The following ZNF100 variants were observed in gnomAD, a reference collection of about 807,000 sequenced individuals.
ZNF100 encodes zinc finger protein 100 (Y1).
Under a neutral mutation model 15.8 loss-of-function variants are expected in ZNF100, and 12 were observed. The ratio of observed to expected loss-of-function variants is 0.76; its 90% CI spans 0.49 to 1.23. The LOEUF is 1.23. Ranked by LOEUF, ZNF100 falls within the 50% of genes most tolerant of loss-of-function variation. The probability of loss-of-function intolerance (pLI) is 0.00; values close to 1 mark genes in which losing one functional copy is unlikely to be tolerated. For synonymous variants in ZNF100, 226 were observed against 214.8 expected (o/e 1.05, Z -0.45); for missense variants, 670 against 635.6 (o/e 1.05, Z -0.58).
chr19:21,727,577 G>GA lies in ZNF100; in HGVS notation c.734dup (p.Ser246LeufsTer19). ...TTCTCCTGTGTGTAGTAAGGGTTGA[G>GA]AACCAGTTGAAGGCTTTGCCACAAT... On this transcript the variant is annotated frameshift_variant, in exon 5 of 5. Coordinates refer to ENST00000358296, the MANE Select transcript of ZNF100 (RefSeq NM_173531.4). LOFTEE classifies it low-confidence loss of function (END_TRUNC). 1 of 1,613,710 alleles carries GA rather than the reference G, an allele frequency of 6.2e-7. No individual in the cohort carries two copies. The highest frequency in any genetic ancestry group is 2.2e-5 in the East Asian group (1 of 44,866).
rs557777525 is a variant in ZNF100 at position 21,726,164 on chromosome 19, A to T, written c.*519T>A. The T allele has an allele frequency of 6.5e-6, 1 of 152,760 alleles. No individual in the cohort carries two copies. The highest frequency in any genetic ancestry group is 2.4e-5 in the African/African-American group (1 of 41,234). 9.5% of individuals were successfully genotyped at this position (152,760 alleles called of 1,614,324 possible). A position where few individuals can be genotyped will look rare whatever the true frequency, so the allele number is the denominator to read the frequency against. ...AAAATACTCTTCACTTTAAAAGCTT[A>T]TATTTTCTTAAAGATATTTTGACAG... On this transcript the variant is annotated 3_prime_UTR_variant, in exon 5 of 5. Coordinates refer to ENST00000358296, the MANE Select transcript of ZNF100 (RefSeq NM_173531.4).
At chr19:21,758,720 G>A (rs1324183213) in intron 2 of ZNF100, among the ~76,000 whole-genome samples, 1 of 152,152 alleles carries the variant, frequency 6.6e-6, no homozygotes, top group Non-Finnish European at 1.5e-5. Flanking sequence ...TCCTGGGAGG[G>A]GTGTGGACAC....
At position 21,765,726 on chromosome 19, in the gene ZNF100, T is replaced by C; in HGVS notation, c.64A>G (p.Arg22Gly). ...AAATAAGACTGCACCAGAAGACTCC[T>C]CTCAGCCCCAGGGCATCCACTTGCT... is the stretch of plus-strand genomic sequence containing the variant. The part of the protein sequence containing the change: ...KGASGCPGAE[R>G]SLLVQSYFEK... Residue 22 changes from arginine to glycine, a missense_variant, in exon 2 of 5, where the codon AGG becomes GGG. Physicochemically the swap from Arg to Gly is moderately radical, Grantham distance 125 (BLOSUM62 -2). Coordinates refer to ENST00000358296, the MANE Select transcript of ZNF100 (RefSeq NM_173531.4). The C allele has an allele frequency of 6.2e-7, 1 of 1,614,158 alleles. No homozygotes were observed. The highest frequency in any genetic ancestry group is 8.5e-7 in the Non-Finnish European group (1 of 1,180,032).
In ZNF100 at chr19:21,726,101, A is replaced by C. The variant is rs1294838814; in HGVS notation, c.*582T>G. The C allele has an allele frequency of 6.6e-6, 1 of 152,394 alleles. No homozygotes were observed. Among genetic ancestry groups the C allele is most frequent in the Non-Finnish European group, 1.5e-5 (1 of 68,190 alleles). The allele number at this position is 152,394 out of a possible 1,614,324, so 9.4% of individuals were successfully genotyped here. On this transcript the variant is annotated 3_prime_UTR_variant, in exon 5 of 5. Coordinates refer to ENST00000358296, the MANE Select transcript of ZNF100 (RefSeq NM_173531.4). ...CGTGTACAGTAAGATCTGTGATACA[A>C]GTAAACATATTACAATTCTACTACA...
intron 1 of ZNF100, among the ~76,000 whole-genome samples, chr19:21,767,041 T>G (rs2036575197): frequency 6.6e-6 from 1 of 152,060 alleles, no homozygotes; most frequent in Non-Finnish European, 1.5e-5. Flanking sequence ...CCATACATTT[T>G]TAATAGGAGA....
intron 2 of ZNF100, among the ~76,000 whole-genome samples, chr19:21,757,967 G>C (rs1353491608): frequency 6.6e-6 from 1 of 152,086 alleles, no homozygotes; most frequent in Non-Finnish European, 1.5e-5. Flanking sequence ...AGCCTTGGAG[G>C]TTGAGGCTGA....
In ZNF100 at chr19:21,727,164, T is replaced by C. The variant is rs2035812736; in HGVS notation, c.1148A>G (p.Tyr383Cys). ...YKCEECGKAF[Y>C]RFSYLTKHKT... ...ATGTTTAGTAAGGTATGAGAATCGG[T>C]AAAAAGCTTTGCCACATTCTTCACA... Residue 383 changes from tyrosine (Y) to cysteine (C), a missense_variant, in exon 5 of 5, where the codon TAC becomes TGC. Transcript: ENST00000358296. 10 of 1,612,026 alleles carry C rather than the reference T, an allele frequency of 6.2e-6. No homozygotes were observed. In the East Asian group the frequency reaches 2.2e-4, roughly 36 times the overall value.
intron 2 of ZNF100, chr19:21,750,820 C>T (rs2036293168): frequency 4.6e-6 from 2 of 434,280 alleles, no homozygotes; most frequent in South Asian, 6.1e-5. Flanking sequence ...AGGCGCCAGC[C>T]CCGGCCCAGA....
rs2035838409 is a variant in ZNF100 at position 21,727,805 on chromosome 19, C to G, written c.507G>C (p.Leu169Phe). 1 of 1,613,338 alleles carries G rather than the reference C, an allele frequency of 6.2e-7. No homozygotes were observed. The highest frequency in any genetic ancestry group is 1.7e-5 in the Admixed American group (1 of 59,938). ...GAAATATGTTGCTCTGGGTAGTTAT[C>G]AAACACTGGTTTAATTTGTTATCAT... Reference protein sequence around the residue: ...KEHDNKLNQCLITTQSNIFQC... With the variant: ...KEHDNKLNQCFITTQSNIFQC... Residue 169 changes from leucine to phenylalanine, a missense_variant, in exon 5 of 5, where the codon TTG (leucine) becomes TTC (phenylalanine). Coordinates refer to ENST00000358296, the MANE Select transcript of ZNF100 (RefSeq NM_173531.4).
intron 2 of ZNF100, chr19:21,751,032 G>A (rs2036299013): frequency 1.5e-6 from 2 of 1,319,460 alleles, no homozygotes; most frequent in East Asian, 2.3e-5. Context: ...GCCACCACCT[G>A]CAGCACATCA....
chr19:21,759,474 A>G (rs2036445489), intron 2 of ZNF100, among the ~76,000 whole-genome samples: 1 of 152,182 alleles, frequency 6.6e-6, no homozygotes, highest in Admixed American at 6.5e-5. Flanking sequence ...GCCACAGACT[A>G]TTGAACTAGA....
At chr19:21,729,710 T>C (rs2035879163) in intron 4 of ZNF100, among the ~76,000 whole-genome samples, 1 of 152,108 alleles carries the variant, frequency 6.6e-6, no homozygotes, top group Non-Finnish European at 1.5e-5. Context: ...TTCCTTAGCA[T>C]TATCATAATG....
chr19:21,729,605 CAAAA>C (rs1568290197), intron 4 of ZNF100, among the ~76,000 whole-genome samples: 1 of 151,586 alleles, frequency 6.6e-6, no homozygotes, highest in Non-Finnish European at 1.5e-5. Context: ...AAAACAAAAA[CAAAA>C]AACAACAAAA....
chr19:21,756,034 G>GT (rs1188453906), intron 2 of ZNF100, among the ~76,000 whole-genome samples: 2 of 152,036 alleles, frequency 1.3e-5, no homozygotes, highest in African/African-American at 4.8e-5. Flanking sequence ...TTCTGCAAGT[G>GT]TATCTCCCTG....
intron 2 of ZNF100, among the ~76,000 whole-genome samples, chr19:21,755,261 C>T (rs1276577461): frequency 6.6e-6 from 1 of 151,286 alleles, no homozygotes; most frequent in African/African-American, 2.4e-5. Context: ...GAGCCAAGAT[C>T]GCACCATTGC....
At chr19:21,731,489 A>G (rs1211290998) in intron 4 of ZNF100, among the ~76,000 whole-genome samples, 1 of 151,758 alleles carries the variant, frequency 6.6e-6, no homozygotes, top group Non-Finnish European at 1.5e-5. Context: ...TTGTATTTTT[A>G]GCAGAGACAG....
At position 21,734,623 on chromosome 19, in the gene ZNF100, G is replaced by T. The variant is rs141321065; in HGVS notation, c.323-6634C>A. 2.7e-3 allele frequency among the ~76,000 whole-genome samples: 414 copies of T among 152,218 alleles called. 1 individual carries two copies. Among genetic ancestry groups the T allele is most frequent in the African/African-American group, 9.4e-3 (392 of 41,532 alleles). On this transcript the variant is annotated intron_variant, in intron 4 of 4. Transcript: ENST00000358296. ...GAGAGGGAAAGAATGGAACCAAGTT[G>T]GAAAACATACTTCAGGATATCATCG...
chr19:21,764,157 C>T lies in ZNF100; in HGVS notation c.96+1537G>A, dbSNP rs549545939. On this transcript the variant is annotated intron_variant, in intron 2 of 4. Coordinates refer to ENST00000358296, the MANE Select transcript of ZNF100 (RefSeq NM_173531.4). The stretch of plus-strand genomic sequence containing the variant: ...GACTCCCCAGAAAAAACTAACAAGG[C>T]CGTTATTAAATTTCTTCTGCAGGCT... Among the ~76,000 whole-genome samples, 4 of 152,242 alleles carry T rather than the reference C, an allele frequency of 2.6e-5. No individual in the cohort carries two copies. In the East Asian group the frequency reaches 7.7e-4, roughly 29 times the overall value.
chr19:21,727,817 T>A lies in ZNF100; in HGVS notation c.495A>T (p.Leu165Phe). The change falls in exon 5 of 5, where the codon TTA becomes TTT. Residue 165 changes from leucine to phenylalanine, a missense_variant. Coordinates refer to ENST00000358296, the MANE Select transcript of ZNF100 (RefSeq NM_173531.4). ...TCTGGGTAGTTATCAAACACTGGTTTAATTTGTTATCATGTTCTTTGTGCA... is the reference window on the plus strand; with the variant it reads ...TCTGGGTAGTTATCAAACACTGGTTAAATTTGTTATCATGTTCTTTGTGCA... Reference protein sequence around the residue: ...CKVHKEHDNKLNQCLITTQSN... With the variant: ...CKVHKEHDNKFNQCLITTQSN... The A allele has an allele frequency of 6.2e-7, 1 of 1,613,308 alleles. No individual in the cohort carries two copies. The highest frequency in any genetic ancestry group is 1.7e-4 in the Middle Eastern group (1 of 6,054).
Sources: gnomAD v4.1 joint callset for allele counts (sites outside exome capture counted in the v4.1 genomes callset) on GRCh38, gnomAD v4.1.1 for gene constraint, MANE v1.5 for transcripts, NCBI Gene and HGNC (gene_info 2026-07-23, HGNC 2026-07-21) for gene names.